Variants in MGAT4C observed in about 807,000 individuals in gnomAD.
MGAT4C encodes MGAT4 family member C.
A neutral mutation model predicts 40.1 loss-of-function variants in MGAT4C; 19 were observed. That is an observed-to-expected ratio of 0.47 (90% CI 0.33 to 0.70). The LOEUF (loss-of-function observed/expected upper bound fraction) is 0.70, where lower values mean the gene tolerates loss of function less well. MGAT4C is among the 30% of genes least tolerant of loss of function. MGAT4C has a pLI of 0.02. For synonymous variants in MGAT4C, 181 were observed against 187.1 expected, an observed-to-expected ratio of 0.97 and a Z score of 0.27; for missense variants, 491 against 563.2, an observed-to-expected ratio of 0.87 and a Z score of 1.30.
intron 1 of MGAT4C, among the ~76,000 whole-genome samples, chr12:86,226,194 G>C (rs1219774589): frequency 6.6e-6 from 1 of 151,976 alleles, no homozygotes. Context: ...TGATAGGACA[G>C]TGGTGATTTT....
At chr12:86,474,336 A>C (rs1374509063) in intron 2 of MGAT4C, among the ~76,000 whole-genome samples, 1 of 135,928 alleles carries the variant, frequency 7.4e-6, no homozygotes, top group Non-Finnish European at 1.5e-5. Context: ...ACACATGGAC[A>C]CAGGAAGGGG....
chr12:86,017,678 A>G (rs77054428), intron 2 of MGAT4C, among the ~76,000 whole-genome samples: 10,780 of 152,210 alleles, frequency 0.071, 537 homozygotes, highest in Middle Eastern at 0.23. Flanking sequence ...AAATTCAGAT[A>G]TGGTGCAAAG....
intron 1 of MGAT4C, among the ~76,000 whole-genome samples, chr12:86,728,592 G>A (rs556796008): frequency 1.3e-5 from 2 of 152,270 alleles, no homozygotes; most frequent in African/African-American, 2.4e-5. Flanking sequence ...TCGGGAAACC[G>A]AGGCAGGAGA....
chr12:86,336,731 T>C (rs888329350), intron 3 of MGAT4C, among the ~76,000 whole-genome samples: 1 of 151,998 alleles, frequency 6.6e-6, no homozygotes, highest in Non-Finnish European at 1.5e-5. Flanking sequence ...CATTACAGTA[T>C]GAAGACAAGA....
rs561085632 is a variant in MGAT4C, at chr12:86,830,297, T to C, written c.-262+8369A>G. 7.6e-4 allele frequency among the ~76,000 whole-genome samples: 115 copies of C among 151,746 alleles called. 2 individuals are homozygous for C. In the South Asian group the frequency reaches 0.024, roughly 31 times the overall value. On this transcript the variant is annotated intron_variant, in intron 1 of 7. Coordinates refer to the MGAT4C transcript ENST00000548651. ...CAGTTTGCCTGCCCCTGTCATGGGGTCTGACTATTCCTATCCCATTTTTAA... is the reference window on the plus strand; with the variant it reads ...CAGTTTGCCTGCCCCTGTCATGGGGCCTGACTATTCCTATCCCATTTTTAA...
intron 1 of MGAT4C, among the ~76,000 whole-genome samples, chr12:86,154,349 C>T (rs115368886): frequency 2.0e-3 from 297 of 152,276 alleles, no homozygotes; most frequent in African/African-American, 7.0e-3. Flanking sequence ...ATGCTGTAGC[C>T]TCTGACGGTG....
intron 2 of MGAT4C, among the ~76,000 whole-genome samples, chr12:85,994,565 A>C (rs1052315804): frequency 1.2e-4 from 19 of 152,126 alleles, no homozygotes; most frequent in African/African-American, 3.9e-4. Flanking sequence ...CCCCACCTCA[A>C]ACATAGAATT....
chr12:86,312,546 C>T (rs1954105286), intron 4 of MGAT4C, among the ~76,000 whole-genome samples: 5 of 152,258 alleles, frequency 3.3e-5, no homozygotes, highest in South Asian at 4.1e-4. Flanking sequence ...TCTTATAAAA[C>T]GGTTTTAATA....
chr12:86,709,992 T>G (rs1950529576), intron 2 of MGAT4C, among the ~76,000 whole-genome samples: 2 of 152,172 alleles, frequency 1.3e-5, no homozygotes, highest in Non-Finnish European at 2.9e-5. Context: ...ATCACTAACC[T>G]TCATAATATT....
At chr12:86,083,964 C>T (rs974174182) in intron 1 of MGAT4C, among the ~76,000 whole-genome samples, 1 of 151,692 alleles carries the variant, frequency 6.6e-6, no homozygotes, top group African/African-American at 2.4e-5. Flanking sequence ...AGAGGTGTAG[C>T]TCTCCCATGG....
intron 2 of MGAT4C, chr12:86,016,101 C>T (rs1354266025): frequency 2.6e-5 from 4 of 152,148 alleles, no homozygotes; most frequent in African/African-American, 9.7e-5. Context: ...AAAGTAATTA[C>T]CCGTTTTGGT....
intron 2 of MGAT4C, among the ~76,000 whole-genome samples, chr12:86,705,078 G>A (rs952612375): frequency 1.3e-5 from 2 of 151,844 alleles, no homozygotes; most frequent in Non-Finnish European, 2.9e-5. Context: ...ATTTGTTCAG[G>A]GCAAGTAAGC....
chr12:86,320,507 A>G (rs1051027987), intron 4 of MGAT4C, among the ~76,000 whole-genome samples: 1 of 152,162 alleles, frequency 6.6e-6, no homozygotes, highest in African/African-American at 2.4e-5. Flanking sequence ...AAATTTATTG[A>G]GAATTTGCCA....
At chr12:86,824,821 G>T in intron 1 of MGAT4C, among the ~76,000 whole-genome samples, 1 of 148,860 alleles carries the variant, frequency 6.7e-6, no homozygotes, top group East Asian at 2.0e-4. Context: ...AGGGGAAAAA[G>T]CCAATCTTGG....
At chr12:86,143,265 A>G (rs1883090175) in intron 1 of MGAT4C, among the ~76,000 whole-genome samples, 1 of 152,204 alleles carries the variant, frequency 6.6e-6, no homozygotes, top group Non-Finnish European at 1.5e-5. Context: ...AAGTTGTCTT[A>G]GTTTCAGAAT....
intron 4 of MGAT4C, among the ~76,000 whole-genome samples, chr12:86,280,184 AT>A (rs528621731): frequency 2.0e-5 from 3 of 152,058 alleles, no homozygotes; most frequent in South Asian, 2.1e-4. Context: ...ATTAAGTTCA[AT>A]TTTTTTGTTG....
At chr12:86,573,184 C>T (rs569442398) in intron 2 of MGAT4C, among the ~76,000 whole-genome samples, 48 of 152,030 alleles carry the variant, frequency 3.2e-4, no homozygotes, top group African/African-American at 8.7e-4. Context: ...TAAATCCTGT[C>T]TCATGGTAAG....
At chr12:85,983,371 T>G in intron 4 of MGAT4C, 152 bp downstream of exon 4, 1 of 677,186 alleles carries the variant, frequency 1.5e-6, no homozygotes, top group Non-Finnish European at 2.2e-6. Context: ...AGTATAGTAG[T>G]TGGCAATTTG....
chr12:86,559,728 G>A (rs1219638140), intron 2 of MGAT4C, among the ~76,000 whole-genome samples: 2 of 151,856 alleles, frequency 1.3e-5, no homozygotes, highest in Admixed American at 6.6e-5. Flanking sequence ...ATCTAATGAT[G>A]TATCTCAAAA....
Sources: gnomAD v4.1 joint callset for allele counts (sites outside exome capture counted in the v4.1 genomes callset) on GRCh38, gnomAD v4.1.1 for gene constraint, MANE v1.5 for transcripts, NCBI Gene and HGNC (gene_info 2026-07-23, HGNC 2026-07-21) for gene names.